The following FCHO2 variants were observed in gnomAD, a reference collection of about 807,000 sequenced individuals.
The protein encoded by FCHO2 is F-BAR domain only protein 2.
FCHO2 carries 43 observed loss-of-function variants against 114.1 expected under a neutral mutation model. That is an observed-to-expected ratio of 0.38 (90% CI 0.30 to 0.49). FCHO2 has a LOEUF of 0.49. Among genes scored for constraint, FCHO2 ranks in the 20% least tolerant of loss-of-function variants. FCHO2 has a pLI of 0.97. For missense variants in FCHO2, 807 were observed against 950.4 expected (o/e 0.85, Z 1.98); for synonymous variants, 293 against 315.2 (o/e 0.93, Z 0.75).
At chr5:72,964,922 G>A (rs533789215) in intron 1 of FCHO2, among the ~76,000 whole-genome samples, 2 of 151,880 alleles carry the variant, frequency 1.3e-5, no homozygotes, top group Non-Finnish European at 2.9e-5. Context: ...TTTGGTATGC[G>A]AATCATCCCT....
intron 11 of FCHO2, among the ~76,000 whole-genome samples, chr5:73,042,348 A>G (rs115909861): frequency 1.3e-5 from 2 of 152,134 alleles, no homozygotes; most frequent in African/African-American, 2.4e-5. Flanking sequence ...TACTCATTTT[A>G]TTTCTGCATT....
rs922379553 is a variant in FCHO2, at chr5:73,007,967, T to G, written c.600+1418T>G. On this transcript the variant is annotated intron_variant, in intron 6 of 25. Transcript: ENST00000430046. The stretch of plus-strand genomic sequence containing the variant: ...AATAGGGCAAGAGCGTTACAGGCTT[T>G]GGGGATCATGAGTATGAAGGCCCAG... Among the ~76,000 whole-genome samples, 4 of 152,118 alleles carry G rather than the reference T, an allele frequency of 2.6e-5. No individual in the cohort carries two copies. The East Asian group carries it at 7.7e-4, about 29-fold the overall frequency.
At chr5:72,980,515 C>G (rs1753145914) in intron 2 of FCHO2, among the ~76,000 whole-genome samples, 2 of 152,116 alleles carry the variant, frequency 1.3e-5, no homozygotes, top group Admixed American at 1.3e-4. Context: ...AATTTTCTCT[C>G]TTGTTTACCT....
At chr5:73,066,520 C>G (rs917153624) in intron 18 of FCHO2, among the ~76,000 whole-genome samples, 1 of 151,138 alleles carries the variant, frequency 6.6e-6, no homozygotes, top group African/African-American at 2.4e-5. Context: ...GTATCACCCA[C>G]CAGAGAGAGT....
At chr5:73,002,288 G>T (rs1036839574) in intron 5 of FCHO2, among the ~76,000 whole-genome samples, 10 of 152,190 alleles carry the variant, frequency 6.6e-5, no homozygotes, top group African/African-American at 2.2e-4. Context: ...GACTACGTGA[G>T]TATAGGAAGA....
At chr5:73,028,966 A>G (rs1756088370) in intron 8 of FCHO2, among the ~76,000 whole-genome samples, 1 of 152,120 alleles carries the variant, frequency 6.6e-6, no homozygotes, top group Non-Finnish European at 1.5e-5. Context: ...GATTCTATTT[A>G]TATAACTTTC....
intron 7 of FCHO2, among the ~76,000 whole-genome samples, chr5:73,016,714 T>G (rs1467271637): frequency 1.3e-5 from 2 of 150,012 alleles, no homozygotes; most frequent in Non-Finnish European, 3.0e-5. Context: ...GTTTAAATAT[T>G]AAAAAAGATT....
At chr5:73,015,775 A>G in intron 7 of FCHO2, 51 bp downstream of exon 7, 3 of 1,117,048 alleles carry the variant, frequency 2.7e-6, no homozygotes, top group Non-Finnish European at 3.8e-6. Flanking sequence ...TTGTTTATTT[A>G]TAGCTCTTTA....
At position 73,048,171 on chromosome 5, in the gene FCHO2, C is replaced by T. The variant is rs775982403; in HGVS notation, c.940-3178C>T. On this transcript the variant is annotated intron_variant, in intron 11 of 25. Coordinates refer to ENST00000430046, the MANE Select transcript of FCHO2 (RefSeq NM_138782.3). ...TTTTATTTTTTTTAAATATTTTTGC[C>T]GGGCACAGTGGGTCATGCCTGTAAT... is the stretch of plus-strand genomic sequence containing the variant. 4.6e-5 allele frequency among the ~76,000 whole-genome samples: 7 copies of T among 151,870 alleles called. No homozygotes were observed. The South Asian group carries it at 8.3e-4, about 18-fold the overall frequency.
At chr5:73,055,401 T>C (rs184114082) in intron 15 of FCHO2, among the ~76,000 whole-genome samples, 56 of 152,320 alleles carry the variant, frequency 3.7e-4, no homozygotes, top group African/African-American at 1.3e-3. Context: ...GTTACTCATA[T>C]TGATGTACTT....
chr5:72,999,059 T>A (rs755113543), intron 5 of FCHO2, among the ~76,000 whole-genome samples: 1 of 152,044 alleles, frequency 6.6e-6, no homozygotes, highest in Non-Finnish European at 1.5e-5. Context: ...CCAAGGGTTG[T>A]GAGTTGGCTA....
In FCHO2 at chr5:73,057,351, A is replaced by G. The variant is rs958766035; in HGVS notation, c.1254-1082A>G. ...TATTGGATGTATCATTTTTTTAAAGATAAGTTGTTGAGTGTTTTAAAACTG... is the reference window on the plus strand; with the variant it reads ...TATTGGATGTATCATTTTTTTAAAGGTAAGTTGTTGAGTGTTTTAAAACTG... On this transcript the variant is annotated intron_variant, in intron 16 of 25. Coordinates refer to ENST00000430046, the MANE Select transcript of FCHO2 (RefSeq NM_138782.3). Among the ~76,000 whole-genome samples the G allele has an allele frequency of 3.9e-5, 6 of 152,250 alleles. No individual in the cohort carries two copies. In the East Asian group the frequency reaches 9.7e-4, roughly 25 times the overall value.
chr5:72,998,777 G>A (rs946304538), intron 5 of FCHO2, among the ~76,000 whole-genome samples: 1 of 150,532 alleles, frequency 6.6e-6, no homozygotes, highest in African/African-American at 2.4e-5. Context: ...GTCTTTTCAT[G>A]TAAACCAAAA....
At chr5:73,015,146 A>G (rs577491132) in intron 6 of FCHO2, among the ~76,000 whole-genome samples, 5 of 152,290 alleles carry the variant, frequency 3.3e-5, no homozygotes, top group African/African-American at 1.2e-4. Context: ...TGACATAACA[A>G]AAAGTTAACT....
At chr5:73,082,405 C>T (rs964891243) in intron 23 of FCHO2, among the ~76,000 whole-genome samples, 4 of 152,054 alleles carry the variant, frequency 2.6e-5, no homozygotes, top group Non-Finnish European at 5.9e-5. Context: ...CTCCTGTCCC[C>T]TCTGTTAGTA....
intron 9 of FCHO2, 43 bp from the exon 10 acceptor site, chr5:73,037,100 A>C: frequency 7.5e-7 from 1 of 1,331,580 alleles, no homozygotes. Context: ...TATGTTTATC[A>C]GGAATGTTTA....
chr5:73,037,734 G>T, intron 10 of FCHO2: 1 of 390,520 alleles, frequency 2.6e-6, no homozygotes, highest in Non-Finnish European at 4.9e-6. Context: ...GGAATATTTG[G>T]TCCACTTATA....
chr5:73,046,669 T>G (rs1323717187), intron 11 of FCHO2, among the ~76,000 whole-genome samples: 2 of 152,210 alleles, frequency 1.3e-5, no homozygotes, highest in East Asian at 3.9e-4. Flanking sequence ...CAAAGTTTCC[T>G]TATTTTTAAA....
chr5:72,983,858 G>T (rs771739932), intron 2 of FCHO2, among the ~76,000 whole-genome samples: 14 of 151,398 alleles, frequency 9.2e-5, no homozygotes, highest in Non-Finnish European at 1.6e-4. Context: ...ATATGTCCTG[G>T]TATGCATATA....
Sources: allele counts gnomAD v4.1 joint callset (sites outside exome capture counted in the v4.1 genomes callset), GRCh38; gene constraint gnomAD v4.1.1; transcripts MANE v1.5; gene names NCBI Gene and HGNC (gene_info 2026-07-23, HGNC 2026-07-21).